Variants in UQCRFS1 observed in about 807,000 individuals in gnomAD.
UQCRFS1 encodes the protein ubiquinol-cytochrome c reductase, Rieske iron-sulfur polypeptide 1, also known as cytochrome b-c1 complex subunit Rieske, mitochondrial.
In UQCRFS1, 6 loss-of-function variants were observed where a neutral mutation model predicts 15.6. The ratio of observed to expected loss-of-function variants is 0.38; its 90% CI spans 0.21 to 0.76. The LOEUF (loss-of-function observed/expected upper bound fraction) is 0.76. UQCRFS1 is among the 30% of genes least tolerant of loss of function. UQCRFS1 has a pLI of 0.44. For synonymous variants in UQCRFS1, 105 were observed against 154.3 expected (o/e 0.68, Z 2.37); for missense variants, 203 against 366.7 (o/e 0.55, Z 3.65).
Position 29,207,345 on chromosome 19 carries a change from A to T in UQCRFS1, c.*203T>A, listed in dbSNP as rs188932888. ...CCTTTCGCGTGTATGACTGAGCATA[A>T]CAGTGCTTAACAGTGTCTTTATTAA... On this transcript the variant is annotated 3_prime_UTR_variant, in exon 2 of 2. Transcript: ENST00000304863. 1 of 659,470 alleles carries T rather than the reference A, an allele frequency of 1.5e-6. No homozygotes were observed. The highest frequency in any genetic ancestry group is 3.4e-5 in the Admixed American group (1 of 29,572). The allele number at this position is 659,470 out of a possible 1,614,324, so 40.9% of individuals were successfully genotyped here.
At position 29,213,128 on chromosome 19, in the gene UQCRFS1, C is replaced by A. The variant is rs1976680156; in HGVS notation, c.-10G>T. 6.6e-7 allele frequency: 1 copy of A among 1,521,118 alleles called. No homozygotes were observed. Among genetic ancestry groups the A allele is most frequent in the Non-Finnish European group, 8.8e-7 (1 of 1,140,620 alleles). 94.2% of individuals were successfully genotyped at this position (1,521,118 alleles called of 1,614,324 possible). ...ATGCTACCGACAACATGGCGACAGC[C>A]GCTCCAACCGCCAAGCCGGTCACAG... is the stretch of plus-strand genomic sequence containing the variant. On this transcript the variant is annotated 5_prime_UTR_variant, in exon 1 of 2. Transcript: ENST00000304863.
Position 29,212,960 on chromosome 19 carries a change from C to T in UQCRFS1, c.159G>A (p.Glu53=). Reference sequence around the variant, plus strand: ...GGCGCACGGCCTGGCCGCTCAGCGACTCCCGGCTGAGGAAGGGCCGCTTCA... The same window carrying T: ...GGCGCACGGCCTGGCCGCTCAGCGATTCCCGGCTGAGGAAGGGCCGCTTCA... ...LDLKRPFLSR[E]SLSGQAVRRP... is the part of the protein sequence containing the mutation. The change falls in exon 1 of 2, where the codon GAG becomes GAA. Residue 53 remains glutamate, a synonymous_variant. Transcript: ENST00000304863. 1 of 1,401,836 alleles carries T rather than the reference C, an allele frequency of 7.1e-7. No homozygotes were observed. Among genetic ancestry groups the T allele is most frequent in the Non-Finnish European group, 9.2e-7 (1 of 1,091,212 alleles). The allele number at this position is 1,401,836 out of a possible 1,614,324, so 86.8% of individuals were successfully genotyped here.
Position 29,207,816 on chromosome 19 carries a change from T to C in UQCRFS1, c.557A>G (p.Gln186Arg), listed in dbSNP as rs922427349. 6.2e-7 allele frequency: 1 copy of C among 1,613,922 alleles called. No homozygotes were observed. The highest frequency in any genetic ancestry group is 8.5e-7 in the Non-Finnish European group (1 of 1,179,884). Reference protein sequence around the residue: ...VRHRTQKEIEQEAAVELSQLR... With the variant: ...VRHRTQKEIEREAAVELSQLR... The stretch of plus-strand genomic sequence containing the variant: ...CTGTGATAATTCAACTGCAGCTTCC[T>C]GCTCAATTTCCTTCTGGGTTCTATG... Residue 186 changes from glutamine (Q) to arginine (R), a missense_variant, in exon 2 of 2, where the codon CAG becomes CGG. Physicochemically the swap from Gln to Arg is conservative, Grantham distance 43. Around this residue, in one of 3 missense-constraint regions of UQCRFS1, gnomAD observed 91 missense variants for 186.9 expected, o/e 0.49. Transcript: ENST00000304863.
chr19:29,208,979 C>T (rs1976618719), intron 1 of UQCRFS1, among the ~76,000 whole-genome samples: 1 of 151,440 alleles, frequency 6.6e-6, no homozygotes, highest in East Asian at 2.0e-4. Flanking sequence ...TATTATCTTC[C>T]CTTTTCACTG....
chr19:29,209,635 C>T (rs1453379187), intron 1 of UQCRFS1, among the ~76,000 whole-genome samples: 1 of 152,090 alleles, frequency 6.6e-6, no homozygotes, highest in African/African-American at 2.4e-5. Context: ...ACATTACATC[C>T]TATACTACTA....
rs1568344384 is a variant in UQCRFS1 at position 29,206,946 on chromosome 19, A to T, written c.*602T>A. On this transcript the variant is annotated 3_prime_UTR_variant, in exon 2 of 2. Coordinates refer to ENST00000304863, the MANE Select transcript of UQCRFS1 (RefSeq NM_006003.3). ...ATAAAATTTCCTGGCCTGTCACTTA[A>T]GGAGAAAAACCAGCAGACCAGACGT... The T allele has an allele frequency of 1.3e-5, 2 of 152,432 alleles. No homozygotes were observed. The highest frequency in any genetic ancestry group is 1.5e-5 in the Non-Finnish European group (1 of 68,216). The allele number at this position is 152,432 out of a possible 1,614,324, so 9.4% of individuals were successfully genotyped here. A position where few individuals can be genotyped will look rare whatever the true frequency, so the allele number is the denominator to read the frequency against.
chr19:29,209,181 C>T (rs2145206393), intron 1 of UQCRFS1, among the ~76,000 whole-genome samples: 1 of 151,952 alleles, frequency 6.6e-6, no homozygotes, highest in East Asian at 1.9e-4. Flanking sequence ...AAAAATTTTA[C>T]CTAGTACCAC....
At position 29,212,404 on chromosome 19, in the gene UQCRFS1, G is replaced by C. The variant is rs143990584; in HGVS notation, c.214+501C>G. Among the ~76,000 whole-genome samples, 347 of 151,676 alleles carry C rather than the reference G, an allele frequency of 2.3e-3. 2 individuals are homozygous for C. Among genetic ancestry groups the C allele is most frequent in the Middle Eastern group, 6.8e-3 (2 of 294 alleles). ...TTTTTGTTTTTTTTTTGGTGGGGGG[G>C]TGATGAAGGGGAAGGACATGAAGGG... is the stretch of plus-strand genomic sequence containing the variant. On this transcript the variant is annotated intron_variant, in intron 1 of 1. Transcript: ENST00000304863.
At chr19:29,211,929 C>A (rs959394104) in intron 1 of UQCRFS1, among the ~76,000 whole-genome samples, 2 of 152,168 alleles carry the variant, frequency 1.3e-5, no homozygotes, top group East Asian at 1.9e-4. Flanking sequence ...ACCACTTGCT[C>A]CAACTGCGGG....
intron 1 of UQCRFS1, among the ~76,000 whole-genome samples, chr19:29,210,831 T>C (rs1286296578): frequency 6.6e-6 from 1 of 152,174 alleles, no homozygotes; most frequent in Non-Finnish European, 1.5e-5. Flanking sequence ...CATGTAAATG[T>C]GTCTTTATAG....
chr19:29,209,055 A>G (rs1413706403), intron 1 of UQCRFS1, among the ~76,000 whole-genome samples: 1 of 152,176 alleles, frequency 6.6e-6, no homozygotes, highest in Non-Finnish European at 1.5e-5. Context: ...AATGTTAAAC[A>G]AATAATTACT....
rs1976593150 is a variant in UQCRFS1 at position 29,206,217 on chromosome 19, A to G, written c.*1331T>C. On this transcript the variant is annotated 3_prime_UTR_variant, in exon 2 of 2. Coordinates refer to ENST00000304863, the MANE Select transcript of UQCRFS1 (RefSeq NM_006003.3). ...AAAATACTTCTGTGTCCCACCAATT[A>G]TCACACATGCTAATTTCATTTCTAG... 1 of 118,246 alleles carries G rather than the reference A, an allele frequency of 8.5e-6. No individual in the cohort carries two copies. The highest frequency in any genetic ancestry group is 2.1e-5 in the Non-Finnish European group (1 of 48,112). 7.3% of individuals were successfully genotyped at this position (118,246 alleles called of 1,614,324 possible).
intron 1 of UQCRFS1, 33 bp downstream of exon 1, chr19:29,212,872 C>A: frequency 7.0e-7 from 1 of 1,419,374 alleles, no homozygotes; most frequent in South Asian, 1.5e-5. Context: ...CGAGAGACCC[C>A]CAGCCCTGCT....
chr19:29,210,478 A>G (rs1232240197), intron 1 of UQCRFS1, among the ~76,000 whole-genome samples: 1 of 151,166 alleles, frequency 6.6e-6, no homozygotes, highest in Non-Finnish European at 1.5e-5. Flanking sequence ...ATCATTTAGC[A>G]TTAGGTATAT....
Position 29,205,469 on chromosome 19 carries a change from GTT to G in UQCRFS1, c.*2077_*2078del, listed in dbSNP as rs1446592637. ...CTCTATACACTCAGATTGAGTCAAA[GTT>G]TTTACAAAGGTATGCTCAGAAAGAC... On this transcript the variant is annotated 3_prime_UTR_variant, in exon 2 of 2. Coordinates refer to ENST00000304863, the MANE Select transcript of UQCRFS1 (RefSeq NM_006003.3). The G allele has an allele frequency of 6.6e-6, 1 of 152,130 alleles. No homozygotes were observed. The highest frequency in any genetic ancestry group is 1.9e-4 in the East Asian group (1 of 5,194). The allele number at this position is 152,130 out of a possible 1,614,324, so 9.4% of individuals were successfully genotyped here.
chr19:29,209,431 A>G (rs1181084294), intron 1 of UQCRFS1, among the ~76,000 whole-genome samples: 1 of 152,218 alleles, frequency 6.6e-6, no homozygotes, highest in Non-Finnish European at 1.5e-5. Flanking sequence ...ACATTACAAT[A>G]TGGAATACCT....
Position 29,211,216 on chromosome 19 carries a change from G to A in UQCRFS1, c.214+1689C>T, listed in dbSNP as rs924368676. On this transcript the variant is annotated intron_variant, in intron 1 of 1. Transcript: ENST00000304863. ...CAAACAACCCCATCAAAAAGTGGGC[G>A]AAGGACATGAACAGACACTTCTCAA... Among the ~76,000 whole-genome samples the A allele has an allele frequency of 1.1e-3, 168 of 151,710 alleles. 1 individual carries two copies. The highest frequency in any genetic ancestry group is 3.5e-3 in the African/African-American group (145 of 41,308).
chr19:29,211,619 C>G (rs745611540), intron 1 of UQCRFS1, among the ~76,000 whole-genome samples: 2 of 152,178 alleles, frequency 1.3e-5, no homozygotes, highest in Non-Finnish European at 2.9e-5. Flanking sequence ...AAACACAATA[C>G]AGAGTGTAAA....
chr19:29,211,323 T>C (rs1177370216), intron 1 of UQCRFS1, among the ~76,000 whole-genome samples: 1 of 152,204 alleles, frequency 6.6e-6, no homozygotes, highest in Admixed American at 6.5e-5. Flanking sequence ...GCCTCCAATT[T>C]TTTGAAGAAA....
Sources: gnomAD v4.1 joint callset for allele counts (sites outside exome capture counted in the v4.1 genomes callset) on GRCh38, gnomAD v4.1.1 for gene constraint, gnomAD v4.1.1 regional missense constraint, MANE v1.5 for transcripts, NCBI Gene and HGNC (gene_info 2026-07-23, HGNC 2026-07-21) for gene names.